ZKSCAN7: variants seen among roughly 807,000 people sequenced by gnomAD.
ZKSCAN7 encodes the protein zinc finger protein with KRAB and SCAN domains 7.
ZKSCAN7 carries 38 observed loss-of-function variants against 65.3 expected under a neutral mutation model. The observed-to-expected ratio is 0.58, with a 90% CI of 0.45 to 0.76. ZKSCAN7 has a LOEUF of 0.76. ZKSCAN7 is among the 30% of genes least tolerant of loss of function. ZKSCAN7 has a pLI of 0.00. For synonymous variants in ZKSCAN7, 321 were observed against 321.0 expected (o/e 1.00, Z 0.00); for missense variants, 815 against 913.3 (o/e 0.89, Z 1.39).
chr3:44,556,863 G>A, intron 1 of ZKSCAN7, 67 bp from the exon 2 acceptor site: 1 of 781,786 alleles, frequency 1.3e-6, no homozygotes, highest in Non-Finnish European at 2.1e-6. Flanking sequence ...TTTTAACTCA[G>A]TGGAGGATTG....
chr3:44,558,524 C>CAA (rs200361121), intron 2 of ZKSCAN7, among the ~76,000 whole-genome samples: 15,975 of 107,080 alleles, frequency 0.15, 951 homozygotes, highest in Middle Eastern at 0.25. Context: ...GACTTCATCT[C>CAA]AAAAAAAAAA....
chr3:44,561,214 A>C (rs1699465860), intron 2 of ZKSCAN7, among the ~76,000 whole-genome samples: 1 of 152,206 alleles, frequency 6.6e-6, no homozygotes, highest in Admixed American at 6.5e-5. Context: ...GGAAACCTAC[A>C]ATCATGGCAG....
intron 5 of ZKSCAN7, chr3:44,580,834 G>A (rs1330348936): frequency 8.1e-6 from 13 of 1,613,316 alleles, no homozygotes; most frequent in East Asian, 4.5e-5. Context: ...TTCGGAGACC[G>A]GTGCACTGAG....
At position 44,571,197 on chromosome 3, in the gene ZKSCAN7, G is replaced by A. The variant is rs1181582704; in HGVS notation, c.2087G>A (p.Cys696Tyr). Residue 696 changes from cysteine to tyrosine, a missense_variant, in exon 6 of 6, where the codon TGT becomes TAT. This residue lies in a region of ZKSCAN7 where 578 missense variants were observed against 629.5 expected (regional missense o/e 0.92). Transcript: ENST00000426540. The stretch of plus-strand genomic sequence containing the variant: ...GAAAAACCCTATAAATGCAATGATT[G>A]TGGGAAAGCTTTTAGTGACAGCTCA... ...TGEKPYKCNDCGKAFSDSSQL... is the reference protein window; with the variant it reads ...TGEKPYKCNDYGKAFSDSSQL... The A allele has an allele frequency of 1.2e-6, 2 of 1,614,110 alleles. No individual in the cohort carries two copies. Among genetic ancestry groups the A allele is most frequent in the African/African-American group, 1.3e-5 (1 of 74,922 alleles).
At chr3:44,555,973 T>G (rs944377752) in intron 1 of ZKSCAN7, among the ~76,000 whole-genome samples, 2 of 152,192 alleles carry the variant, frequency 1.3e-5, no homozygotes, top group Admixed American at 6.5e-5. Context: ...GCCCTTTGTA[T>G]CCTCCCAGAA....
intron 5 of ZKSCAN7, chr3:44,581,090 C>T: frequency 9.7e-7 from 1 of 1,035,310 alleles, no homozygotes; most frequent in Non-Finnish European, 1.2e-6. Flanking sequence ...GGGCTAGGGG[C>T]TCAGCGCGGC....
intron 5 of ZKSCAN7, among the ~76,000 whole-genome samples, chr3:44,577,517 C>G (rs1400214822): frequency 6.6e-6 from 1 of 152,168 alleles, no homozygotes; most frequent in Admixed American, 6.5e-5. Flanking sequence ...GGCTTTTTCT[C>G]TGACCAGTGG....
Position 44,571,774 on chromosome 3 carries a change from T to G in ZKSCAN7, c.*399T>G, listed in dbSNP as rs1306599404. 9.8e-7 allele frequency: 1 copy of G among 1,021,252 alleles called. No homozygotes were observed. The highest frequency in any genetic ancestry group is 5.1e-5 in the Admixed American group (1 of 19,642). 63.3% of individuals were successfully genotyped at this position (1,021,252 alleles called of 1,614,324 possible). On this transcript the variant is annotated 3_prime_UTR_variant, in exon 6 of 6. Transcript: ENST00000426540. The stretch of plus-strand genomic sequence containing the variant: ...TCAAAAAGGCTGATTCATGCCTTCC[T>G]GCCTCTTGGCTATGGCCCTCCCCAT...
chr3:44,558,963 A>C (rs1038864867), intron 2 of ZKSCAN7, among the ~76,000 whole-genome samples: 1 of 151,454 alleles, frequency 6.6e-6, no homozygotes, highest in Admixed American at 6.6e-5. Flanking sequence ...TATTGTAGAC[A>C]TGTGGTCTTG....
At chr3:44,558,563 T>A (rs1040621543) in intron 2 of ZKSCAN7, among the ~76,000 whole-genome samples, 1 of 151,012 alleles carries the variant, frequency 6.6e-6, no homozygotes, top group Non-Finnish European at 1.5e-5. Context: ...GATTTATTGC[T>A]AGTAAGTGGC....
intron 5 of ZKSCAN7, among the ~76,000 whole-genome samples, chr3:44,578,590 C>G (rs995046278): frequency 6.6e-6 from 1 of 152,272 alleles, no homozygotes; most frequent in East Asian, 1.9e-4. Flanking sequence ...CCCGCTGCAC[C>G]GACTGCAGCT....
rs201164971 is a variant in ZKSCAN7 at position 44,570,833 on chromosome 3, G to A, written c.1723G>A (p.Gly575Arg). The change falls in exon 6 of 6, where the codon GGG becomes AGG. Residue 575 changes from glycine to arginine, a missense_variant. Gly to Arg is a moderately radical substitution (Grantham distance 125). This residue lies in a region of ZKSCAN7 where 578 missense variants were observed against 629.5 expected (regional missense o/e 0.92). Transcript: ENST00000426540. ...TATTCGACATCAGAGCCTCCATACT[G>A]GGGAAAAGCCATACAAATGTAGTGA... is the stretch of plus-strand genomic sequence containing the variant. ...CLIRHQSLHT[G>R]EKPYKCSECG... 1.2e-6 allele frequency: 2 copies of A among 1,614,198 alleles called. No homozygotes were observed. The highest frequency in any genetic ancestry group is 1.7e-6 in the Non-Finnish European group (2 of 1,180,044).
intron 3 of ZKSCAN7, 113 bp from the exon 4 acceptor site, chr3:44,567,799 G>A (rs1699678660): frequency 1.7e-6 from 1 of 580,136 alleles, no homozygotes; most frequent in Non-Finnish European, 3.1e-6. Flanking sequence ...GAGGTTAAGA[G>A]TCAGTGTGTG....
chr3:44,572,809 C>T (rs537862826), downstream of ZKSCAN7, among the ~76,000 whole-genome samples: 85 of 141,614 alleles, frequency 6.0e-4, no homozygotes, highest in African/African-American at 2.2e-3. Flanking sequence ...AAGATCGCAC[C>T]ACTCCACTCC....
intron 5 of ZKSCAN7, chr3:44,580,718 G>A: frequency 6.2e-7 from 1 of 1,613,952 alleles, no homozygotes; most frequent in Non-Finnish European, 8.5e-7. Flanking sequence ...CCACATCTGT[G>A]CACTGGTTCA....
In ZKSCAN7 at chr3:44,557,301, C is replaced by T. The variant is rs1699325465; in HGVS notation, c.254C>T (p.Pro85Leu). The T allele has an allele frequency of 3.1e-6, 5 of 1,614,274 alleles. No homozygotes were observed. Residue 85 changes from proline (P) to leucine (L), a missense_variant, in exon 2 of 6, where the codon CCA becomes CTA. By Grantham distance (98) the Pro-to-Leu change is moderately conservative. This residue lies in a region of ZKSCAN7 where 227 missense variants were observed against 253.3 expected (regional missense o/e 0.90). Transcript: ENST00000426540. ...LRELCRWWLM[P>L]EVHTKEQILE... is the part of the protein sequence containing the mutation. ...GAGCTCTGCCGCTGGTGGCTCATGC[C>T]AGAGGTGCACACCAAGGAGCAGATC...
rs1363310740 is a variant in ZKSCAN7 at position 44,570,435 on chromosome 3, G to A, written c.1325G>A (p.Ser442Asn). The change falls in exon 6 of 6, where the codon AGT becomes AAT. Residue 442 changes from serine (S) to asparagine (N), a missense_variant. By Grantham distance (46) the Ser-to-Asn change is conservative (BLOSUM62 1). Coordinates refer to ENST00000426540, the MANE Select transcript of ZKSCAN7 (RefSeq NM_001288590.2). Reference protein sequence around the residue: ...THTGEKPYECSECGKAYRHSS... With the variant: ...THTGEKPYECNECGKAYRHSS... ...ACAGGGGAAAAACCCTATGAATGCA[G>A]TGAGTGTGGAAAGGCCTATAGGCAC... 6.2e-7 allele frequency: 1 copy of A among 1,614,054 alleles called. No individual in the cohort carries two copies. Among genetic ancestry groups the A allele is most frequent in the East Asian group, 2.2e-5 (1 of 44,866 alleles).
chr3:44,561,137 A>G (rs1245725321), intron 2 of ZKSCAN7, among the ~76,000 whole-genome samples: 2 of 152,236 alleles, frequency 1.3e-5, no homozygotes, highest in Admixed American at 1.3e-4. Flanking sequence ...GGGTAATTAA[A>G]AAGAAAAGAG....
rs1376710842 is a variant in ZKSCAN7 at position 44,570,602 on chromosome 3, A to C, written c.1492A>C (p.Asn498His). 1.9e-6 allele frequency: 3 copies of C among 1,614,186 alleles called. No individual in the cohort carries two copies. The highest frequency in any genetic ancestry group is 2.5e-6 in the Non-Finnish European group (3 of 1,180,046). The change falls in exon 6 of 6, where the codon AAT becomes CAT. Residue 498 changes from asparagine (N) to histidine (H), a missense_variant. This residue lies in a region of ZKSCAN7 where 578 missense variants were observed against 629.5 expected (regional missense o/e 0.92). Coordinates refer to ENST00000426540, the MANE Select transcript of ZKSCAN7 (RefSeq NM_001288590.2). Reference protein sequence around the residue: ...THTGEKPYECNECGEAFIRSK... With the variant: ...THTGEKPYECHECGEAFIRSK... ...TACTGGGGAGAAACCTTATGAATGC[A>C]ATGAGTGTGGAGAGGCATTCATTCG...
Sources: gnomAD v4.1 joint callset for allele counts (sites outside exome capture counted in the v4.1 genomes callset) on GRCh38, gnomAD v4.1.1 for gene constraint, gnomAD v4.1.1 regional missense constraint, MANE v1.5 for transcripts, NCBI Gene and HGNC (gene_info 2026-07-23, HGNC 2026-07-21) for gene names.